Variants in AREL1 observed in about 807,000 individuals in gnomAD.
AREL1 encodes apoptosis-resistant E3 ubiquitin protein ligase 1.
AREL1 carries 62 observed loss-of-function variants against 99.0 expected under a neutral mutation model. That is an observed-to-expected ratio of 0.63 (90% CI 0.51 to 0.77). The LOEUF (loss-of-function observed/expected upper bound fraction) is 0.77, where lower values mean the gene tolerates loss of function less well. AREL1 is among the 30% of genes least tolerant of loss of function. The pLI, the probability that AREL1 is intolerant of heterozygous loss-of-function variation, is 0.00. For missense variants in AREL1, 879 were observed against 1,027.6 expected (o/e 0.86, Z 1.98); for synonymous variants, 380 against 376.5 (o/e 1.01, Z -0.11).
At chr14:74,677,490 T>C (rs950501732) in intron 5 of AREL1, among the ~76,000 whole-genome samples, 1 of 145,470 alleles carries the variant, frequency 6.9e-6, no homozygotes, top group South Asian at 2.2e-4. Flanking sequence ...AGGGAGACCC[T>C]GTCTCTCTCC....
intron 14 of AREL1, 68 bp downstream of exon 14, chr14:74,669,879 C>G (rs1250921068): frequency 1.3e-6 from 2 of 1,580,124 alleles, no homozygotes; most frequent in Admixed American, 3.6e-5. Flanking sequence ...TATTTACAAG[C>G]CCAGGAGGAG....
intron 5 of AREL1, among the ~76,000 whole-genome samples, chr14:74,682,632 C>T (rs1594766557): frequency 6.6e-6 from 1 of 152,134 alleles, no homozygotes; most frequent in East Asian, 1.9e-4. Flanking sequence ...AATGTGATTC[C>T]CAGTGTTGGA....
chr14:74,671,321 CTTTTTT>C (rs34340758), intron 12 of AREL1, 81 bp downstream of exon 12: 6 of 123,260 alleles, frequency 4.9e-5, no homozygotes, highest in South Asian at 1.7e-4. Context: ...GTAAGAGTTG[CTTTTTT>C]TTTTTTTTTT....
chr14:74,685,704 T>C, intron 2 of AREL1, 44 bp from the exon 3 acceptor site: 15 of 1,537,462 alleles, frequency 9.8e-6, no homozygotes, highest in Non-Finnish European at 1.3e-5. Flanking sequence ...CAACTCTGCC[T>C]CATAGCTATC....
At chr14:74,669,441 C>T (rs1345312958) in intron 15 of AREL1, among the ~76,000 whole-genome samples, 2 of 152,116 alleles carry the variant, frequency 1.3e-5, no homozygotes, top group Non-Finnish European at 2.9e-5. Context: ...CTGTGCTGTC[C>T]AATACAGCAG....
intron 1 of AREL1, among the ~76,000 whole-genome samples, chr14:74,707,428 C>T (rs893480295): frequency 1.3e-5 from 2 of 151,174 alleles, no homozygotes; most frequent in African/African-American, 2.4e-5. Flanking sequence ...TTTGGGAGGC[C>T]AAGGTGGGCG....
At chr14:74,677,597 G>A (rs12896320) in intron 5 of AREL1, among the ~76,000 whole-genome samples, 34,708 of 135,416 alleles carry the variant, frequency 0.26, 4,643 homozygotes, top group South Asian at 0.35. Context: ...ACCTCTGCCT[G>A]TCGGGTTCAA....
intron 17 of AREL1, among the ~76,000 whole-genome samples, chr14:74,666,335 AG>A (rs1260475266): frequency 6.6e-6 from 1 of 152,264 alleles, no homozygotes; most frequent in Non-Finnish European, 1.5e-5. Flanking sequence ...TGTGAGCAAC[AG>A]GCCACAACAA....
At position 74,675,799 on chromosome 14, in the gene AREL1, G is replaced by A; in HGVS notation, c.980C>T (p.Ser327Phe). 1 of 1,614,202 alleles carries A rather than the reference G, an allele frequency of 6.2e-7. No individual in the cohort carries two copies. The highest frequency in any genetic ancestry group is 1.3e-5 in the African/African-American group (1 of 75,052). The change falls in exon 8 of 20, where the codon TCC becomes TTC. Residue 327 changes from serine to phenylalanine, a missense_variant. Ser to Phe is a radical substitution (Grantham distance 155). Coordinates refer to ENST00000356357, the MANE Select transcript of AREL1 (RefSeq NM_001039479.2). Reference protein sequence around the residue: ...MHMTSSQRRPSTAVDEEDEDS... With the variant: ...MHMTSSQRRPFTAVDEEDEDS... ...TTCATCTTCCTCGTCAACAGCAGTG[G>A]ATGGCCGGCGCTGGGAAGAGGTCAT... is the stretch of plus-strand genomic sequence containing the variant.
chr14:74,678,578 G>A (rs1386070110), intron 5 of AREL1, among the ~76,000 whole-genome samples: 2 of 150,482 alleles, frequency 1.3e-5, no homozygotes, highest in African/African-American at 2.4e-5. Context: ...ACAGATTAAT[G>A]AAATAAGCCC....
intron 1 of AREL1, among the ~76,000 whole-genome samples, chr14:74,692,541 T>C (rs1455344830): frequency 6.6e-6 from 1 of 152,212 alleles, no homozygotes; most frequent in East Asian, 1.9e-4. Flanking sequence ...AAAAGTCAAC[T>C]GGCAGCCTCA....
At chr14:74,668,608 G>T (rs2089260135) in intron 15 of AREL1, among the ~76,000 whole-genome samples, 1 of 152,118 alleles carries the variant, frequency 6.6e-6, no homozygotes, top group African/African-American at 2.4e-5. Context: ...GACTCTAGCT[G>T]CCTTACCATG....
chr14:74,663,507 C>T lies in AREL1; in HGVS notation c.*213G>A. 1 of 588,046 alleles carries T rather than the reference C, an allele frequency of 1.7e-6. No individual in the cohort carries two copies. Among genetic ancestry groups the T allele is most frequent in the Non-Finnish European group, 3.1e-6 (1 of 325,268 alleles). 36.4% of individuals were successfully genotyped at this position (588,046 alleles called of 1,614,324 possible). A position where few individuals can be genotyped will look rare whatever the true frequency, so the allele number is the denominator to read the frequency against. ...ATGACAGAATGAAGAGCTCAGCTTA[C>T]ATACCATGCCAAAGTGGCCTGTGGT... On this transcript the variant is annotated 3_prime_UTR_variant, in exon 20 of 20. Transcript: ENST00000356357.
chr14:74,695,332 A>T (rs1397638202), intron 1 of AREL1, among the ~76,000 whole-genome samples: 1 of 152,066 alleles, frequency 6.6e-6, no homozygotes, highest in African/African-American at 2.4e-5. Flanking sequence ...CGCCCGCCTC[A>T]GCTTCCCAAA....
chr14:74,677,500 CTTTTTTTT>C (rs58383006), intron 5 of AREL1, among the ~76,000 whole-genome samples: 3 of 63,120 alleles, frequency 4.8e-5, no homozygotes, highest in Non-Finnish European at 6.0e-5. Flanking sequence ...TGTCTCTCTC[CTTTTTTTT>C]TTTTTTTTTT....
intron 2 of AREL1, among the ~76,000 whole-genome samples, chr14:74,687,818 T>C (rs1028145137): frequency 2.0e-5 from 3 of 152,080 alleles, no homozygotes; most frequent in Admixed American, 1.3e-4. Flanking sequence ...TCAAAGCTGA[T>C]AGGAAACTCC....
intron 5 of AREL1, among the ~76,000 whole-genome samples, chr14:74,681,571 G>C (rs769736747): frequency 6.6e-6 from 1 of 151,964 alleles, no homozygotes; most frequent in Non-Finnish European, 1.5e-5. Context: ...TCAGGAGATC[G>C]AGACCATCCT....
chr14:74,676,633 T>C lies in AREL1; in HGVS notation c.601A>G (p.Asn201Asp). The change falls in exon 6 of 20, where the codon AAT (asparagine) becomes GAT (aspartate). Residue 201 changes from asparagine (N) to aspartate (D), a missense_variant. By Grantham distance (23) the Asn-to-Asp change is conservative. Transcript: ENST00000356357. ...PRDEYDNPTN[N>D]SMSLRDEHNY... ...TGCTCATCTCTCAAGGACATGGAAT[T>C]GTTGGTGGGATTATCATACTCATCT... is the stretch of plus-strand genomic sequence containing the variant. 6.2e-7 allele frequency: 1 copy of C among 1,614,034 alleles called. No homozygotes were observed. Among genetic ancestry groups the C allele is most frequent in the Non-Finnish European group, 8.5e-7 (1 of 1,180,000 alleles).
chr14:74,661,462 A>G lies in AREL1; in HGVS notation c.*2258T>C, dbSNP rs1283242483. 2.9e-6 allele frequency: 1 copy of G among 340,328 alleles called. No individual in the cohort carries two copies. Among genetic ancestry groups the G allele is most frequent in the African/African-American group, 2.2e-5 (1 of 45,626 alleles). The allele number at this position is 340,328 out of a possible 1,614,324, so 21.1% of individuals were successfully genotyped here. ...GGCCAGAAGGGTAGCTGGCCCCCCA[A>G]GTACCTGGGTCACAAGGACATAAAT... is the stretch of plus-strand genomic sequence containing the variant. On this transcript the variant is annotated 3_prime_UTR_variant, in exon 20 of 20. Transcript: ENST00000356357.
Sources: gnomAD v4.1 joint callset for allele counts (sites outside exome capture counted in the v4.1 genomes callset) on GRCh38, gnomAD v4.1.1 for gene constraint, MANE v1.5 for transcripts, NCBI Gene and HGNC (gene_info 2026-07-23, HGNC 2026-07-21) for gene names.